Variants in OR51B5 observed in about 807,000 individuals in gnomAD.
The protein encoded by OR51B5 is olfactory receptor 51B5.
For missense variants in OR51B5, 456 were observed against 374.6 expected, an observed-to-expected ratio of 1.22 and a Z score of -1.79; for synonymous variants, 186 against 144.8, an observed-to-expected ratio of 1.28 and a Z score of -2.04.
chr11:5,488,954 A>C, intron 1 of OR51B5: 1 of 1,614,020 alleles, frequency 6.2e-7, no homozygotes, highest in Non-Finnish European at 8.5e-7. Flanking sequence ...ACTGTGCCCA[A>C]GATGCTGGCC....
chr11:5,498,921 A>G (rs903920996), intron 1 of OR51B5, among the ~76,000 whole-genome samples: 4 of 152,180 alleles, frequency 2.6e-5, no homozygotes, highest in Non-Finnish European at 2.9e-5. Context: ...CCCCCATTCA[A>G]TAAGGGCTGG....
intron 1 of OR51B5, chr11:5,489,090 T>C: frequency 6.2e-7 from 1 of 1,613,990 alleles, no homozygotes; most frequent in Non-Finnish European, 8.5e-7. Context: ...GGTATGTGGC[T>C]ATCTGTAACC....
chr11:5,441,326 G>T lies in OR51B5; in HGVS notation n.84+64243C>A, dbSNP rs750123911. Reference sequence around the variant, plus strand: ...CATTGAGAGCGAGCATAGAGAGGAAGTAGTACATGGGCTGATGCAGAGCAG... The same window carrying T: ...CATTGAGAGCGAGCATAGAGAGGAATTAGTACATGGGCTGATGCAGAGCAG... On this transcript the variant is annotated intron_variant and non_coding_transcript_variant, in intron 1 of 4. Transcript: ENST00000415970. The T allele has an allele frequency of 7.4e-6, 12 of 1,613,782 alleles. No individual in the cohort carries two copies. In the Admixed American group the frequency reaches 1.3e-4, roughly 18 times the overall value.
intron 1 of OR51B5, chr11:5,440,513 G>A: frequency 1.6e-6 from 2 of 1,244,366 alleles, no homozygotes; most frequent in Non-Finnish European, 2.3e-6. Context: ...CATTCCTTAA[G>A]TTGTTAACAT....
intron 1 of OR51B5, chr11:5,489,253 G>C: frequency 6.2e-7 from 1 of 1,613,996 alleles, no homozygotes; most frequent in Non-Finnish European, 8.5e-7. Flanking sequence ...CACATACTGT[G>C]AGCATATGGG....
intron 1 of OR51B5, among the ~76,000 whole-genome samples, chr11:5,401,592 C>G (rs1221605340): frequency 1.3e-5 from 2 of 151,908 alleles, no homozygotes; most frequent in African/African-American, 4.8e-5. Flanking sequence ...ATTTTTAGCT[C>G]TTTTTATATA....
chr11:5,477,829 G>C (rs1053294963), intron 1 of OR51B5, among the ~76,000 whole-genome samples: 1 of 152,176 alleles, frequency 6.6e-6, no homozygotes, highest in Admixed American at 6.5e-5. Context: ...CGCACCATGA[G>C]ATTATATCCC....
At chr11:5,418,624 A>G (rs1850278290) in intron 1 of OR51B5, among the ~76,000 whole-genome samples, 1 of 151,890 alleles carries the variant, frequency 6.6e-6, no homozygotes, top group South Asian at 2.1e-4. Flanking sequence ...AAAATATCGC[A>G]AGGACAGAAA....
At chr11:5,446,145 C>T (rs1850759642) in intron 1 of OR51B5, among the ~76,000 whole-genome samples, 1 of 151,936 alleles carries the variant, frequency 6.6e-6, no homozygotes. Context: ...AGGAGATACA[C>T]CTAATGTAAA....
chr11:5,352,079 C>G (rs115333544), intron 1 of OR51B5: 1 of 1,614,052 alleles, frequency 6.2e-7, no homozygotes, highest in Non-Finnish European at 8.5e-7. Context: ...GCTGACATCA[C>G]CTTCAACCGT....
At chr11:5,394,721 G>A (rs752756069) in intron 1 of OR51B5, among the ~76,000 whole-genome samples, 1 of 152,190 alleles carries the variant, frequency 6.6e-6, no homozygotes, top group Non-Finnish European at 1.5e-5. Flanking sequence ...AGGAAAGCTT[G>A]CTAAATATTT....
intron 1 of OR51B5, chr11:5,430,936 A>C (rs540457630): frequency 2.2e-6 from 1 of 456,930 alleles, no homozygotes; most frequent in Non-Finnish European, 4.4e-6. Context: ...TGTATAAAGA[A>C]TCAAGACATA....
chr11:5,385,672 G>T (rs10837971), intron 1 of OR51B5, among the ~76,000 whole-genome samples: 27,244 of 150,828 alleles, frequency 0.18, 2,621 homozygotes, highest in African/African-American at 0.25. Context: ...TAAAGAATAC[G>T]TATAAATACT....
At chr11:5,398,440 C>A (rs2250165) in intron 1 of OR51B5, among the ~76,000 whole-genome samples, 19,546 of 151,982 alleles carry the variant, frequency 0.13, 1,334 homozygotes, top group African/African-American at 0.18. Flanking sequence ...AAAAAATGGG[C>A]AGCATTCCAG....
chr11:5,470,863 C>A (rs1000880950), intron 1 of OR51B5, among the ~76,000 whole-genome samples: 2 of 152,206 alleles, frequency 1.3e-5, no homozygotes, highest in Admixed American at 6.5e-5. Context: ...GATCACCCAG[C>A]TTAGTATCAT....
intron 1 of OR51B5, chr11:5,389,341 GAA>G: frequency 4.6e-6 from 7 of 1,520,646 alleles, no homozygotes; most frequent in Non-Finnish European, 4.5e-6. Context: ...GAATGTTAGT[GAA>G]GCTGAAGAAT....
At chr11:5,491,963 T>A (rs1226799737) in intron 1 of OR51B5, among the ~76,000 whole-genome samples, 1 of 152,202 alleles carries the variant, frequency 6.6e-6, no homozygotes, top group African/African-American at 2.4e-5. Context: ...GAGAAATGAG[T>A]TCACAGTTTG....
chr11:5,378,991 T>C (rs1168309033), intron 1 of OR51B5, among the ~76,000 whole-genome samples: 7 of 151,276 alleles, frequency 4.6e-5, no homozygotes, highest in Non-Finnish European at 7.4e-5. Context: ...TAAATCATGC[T>C]GCTATAAAGA....
intron 1 of OR51B5, chr11:5,489,236 T>C (rs997351826): frequency 6.2e-7 from 1 of 1,614,040 alleles, no homozygotes; most frequent in Non-Finnish European, 8.5e-7. Flanking sequence ...CACCGTGTCA[T>C]GACACACACA....
Sources: gnomAD v4.1 joint callset for allele counts (sites outside exome capture counted in the v4.1 genomes callset) on GRCh38, gnomAD v4.1.1 for gene constraint, MANE v1.5 for transcripts, NCBI Gene and HGNC (gene_info 2026-07-23, HGNC 2026-07-21) for gene names.